The following TNS3 variants were observed in gnomAD, a reference collection of about 807,000 sequenced individuals.
TNS3 encodes the protein tensin 3.
Under a neutral mutation model 140.9 loss-of-function variants are expected in TNS3, and 45 were observed. The observed-to-expected ratio is 0.32, with a 90% CI of 0.25 to 0.41. The LOEUF (loss-of-function observed/expected upper bound fraction) is 0.41. Among genes scored for constraint, TNS3 ranks in the 10% least tolerant of loss-of-function variants. The pLI is 1.00. For missense variants in TNS3, 1,716 were observed against 1,906.7 expected, an observed-to-expected ratio of 0.90 and a Z score of 1.86; for synonymous variants, 815 against 788.4, an observed-to-expected ratio of 1.03 and a Z score of -0.56.
chr7:47,404,556 A>G (rs1014363220), intron 13 of TNS3, among the ~76,000 whole-genome samples: 3 of 152,172 alleles, frequency 2.0e-5, no homozygotes, highest in Non-Finnish European at 2.9e-5. Flanking sequence ...TTCAGAAACC[A>G]TCGCCAAAAT....
At chr7:47,509,059 T>A (rs1404494583) in intron 2 of TNS3, among the ~76,000 whole-genome samples, 2 of 152,192 alleles carry the variant, frequency 1.3e-5, no homozygotes, top group African/African-American at 4.8e-5. Flanking sequence ...TGCTTACTGC[T>A]ATGTTAAGGT....
chr7:47,492,359 C>G (rs1023411301), intron 3 of TNS3, among the ~76,000 whole-genome samples: 3 of 152,226 alleles, frequency 2.0e-5, no homozygotes, highest in Non-Finnish European at 4.4e-5. Flanking sequence ...CCCTGCCTGC[C>G]GCACGGTAGA....
chr7:47,503,940 A>G (rs773399392), intron 3 of TNS3, among the ~76,000 whole-genome samples: 2 of 152,052 alleles, frequency 1.3e-5, no homozygotes. Flanking sequence ...TCATTTATAG[A>G]CACTCCACCC....
chr7:47,300,409 G>A (rs1314447412), intron 23 of TNS3, among the ~76,000 whole-genome samples: 2 of 152,190 alleles, frequency 1.3e-5, no homozygotes, highest in South Asian at 2.1e-4. Flanking sequence ...TCAAGCACAT[G>A]CCAACAGCAG....
chr7:47,441,849 A>C (rs1795480657), intron 5 of TNS3, among the ~76,000 whole-genome samples, 154 bp downstream of exon 5: 1 of 152,228 alleles, frequency 6.6e-6, no homozygotes, highest in South Asian at 2.1e-4. Flanking sequence ...CGGACAGAAA[A>C]CCTGGCCTGT....
At chr7:47,558,764 GCCA>G (rs1223048880) in intron 1 of TNS3, among the ~76,000 whole-genome samples, 1 of 152,074 alleles carries the variant, frequency 6.6e-6, no homozygotes, top group Non-Finnish European at 1.5e-5. Flanking sequence ...CTCCCACACA[GCCA>G]CCCTATGGGA....
intron 16 of TNS3, among the ~76,000 whole-genome samples, chr7:47,389,109 C>CAGAAGCAGAAGCAGA (rs1195199187): frequency 1.7e-5 from 1 of 59,078 alleles, no homozygotes; most frequent in Non-Finnish European, 3.6e-5. Context: ...GAAGCGGAAG[C>CAGAAGCAGAAGCAGA]AGAAGAAGAA....
intron 6 of TNS3, among the ~76,000 whole-genome samples, chr7:47,438,869 C>T (rs911312348): frequency 2.0e-5 from 3 of 152,166 alleles, no homozygotes; most frequent in African/African-American, 7.2e-5. Context: ...AGGGAGCTGT[C>T]ATTCAATCCC....
intron 2 of TNS3, among the ~76,000 whole-genome samples, chr7:47,509,336 A>C (rs1798525541): frequency 6.6e-6 from 1 of 152,202 alleles, no homozygotes. Flanking sequence ...AGTTTTACAA[A>C]TGTTTGGACT....
At chr7:47,452,710 A>G (rs77693386) in intron 4 of TNS3, among the ~76,000 whole-genome samples, 3,967 of 152,300 alleles carry the variant, frequency 0.026, 85 homozygotes, top group Middle Eastern at 0.071. Context: ...TCTTCTCACA[A>G]ATAAGTTTCC....
At chr7:47,285,746 T>C (rs994114977) in intron 27 of TNS3, among the ~76,000 whole-genome samples, 4 of 152,238 alleles carry the variant, frequency 2.6e-5, no homozygotes, top group South Asian at 2.1e-4. Flanking sequence ...TGTAACCACA[T>C]AGGATAGCTA....
At chr7:47,569,759 C>T (rs955670628) in intron 1 of TNS3, among the ~76,000 whole-genome samples, 4 of 152,022 alleles carry the variant, frequency 2.6e-5, no homozygotes, top group Non-Finnish European at 1.5e-5. Flanking sequence ...GAGGCTGAGG[C>T]AGGAGAATCA....
At chr7:47,280,000 C>G (rs980113089) in intron 30 of TNS3, 164 bp downstream of exon 30, 19 of 798,588 alleles carry the variant, frequency 2.4e-5, no homozygotes, top group South Asian at 1.8e-4. Flanking sequence ...CATCCAGATC[C>G]TTGTCCATAA....
intron 3 of TNS3, among the ~76,000 whole-genome samples, chr7:47,498,757 C>A (rs1243361597): frequency 6.6e-6 from 1 of 152,224 alleles, no homozygotes; most frequent in Non-Finnish European, 1.5e-5. Flanking sequence ...CCAACATGGT[C>A]CCGTCAGCCC....
At chr7:47,375,961 AT>A (rs1373063290) in intron 16 of TNS3, among the ~76,000 whole-genome samples, 1 of 151,936 alleles carries the variant, frequency 6.6e-6, no homozygotes, top group African/African-American at 2.4e-5. Flanking sequence ...TAAGAATCTC[AT>A]GTTCTATTTT....
intron 2 of TNS3, among the ~76,000 whole-genome samples, chr7:47,507,747 A>G (rs1415830536): frequency 1.3e-5 from 2 of 152,192 alleles, no homozygotes; most frequent in East Asian, 3.9e-4. Flanking sequence ...GGAGAGAGAA[A>G]TGAAGCAACA....
chr7:47,463,210 C>G (rs1375954119), intron 4 of TNS3, among the ~76,000 whole-genome samples: 1 of 152,080 alleles, frequency 6.6e-6, no homozygotes, highest in Non-Finnish European at 1.5e-5. Context: ...TTTGAGAGGC[C>G]TAGGCAGGTG....
At chr7:47,477,645 C>G (rs189924303) in intron 4 of TNS3, among the ~76,000 whole-genome samples, 1 of 152,336 alleles carries the variant, frequency 6.6e-6, no homozygotes, top group East Asian at 1.9e-4. Flanking sequence ...ATCAGGTGAC[C>G]TGGCCAGGTG....
chr7:47,472,204 T>C (rs191814043), intron 4 of TNS3, among the ~76,000 whole-genome samples: 1 of 152,352 alleles, frequency 6.6e-6, no homozygotes, highest in East Asian at 1.9e-4. Flanking sequence ...TAATCCAGCA[T>C]GACCTCATCT....
Sources: gnomAD v4.1 joint callset for allele counts (sites outside exome capture counted in the v4.1 genomes callset) on GRCh38, gnomAD v4.1.1 for gene constraint, MANE v1.5 for transcripts, NCBI Gene and HGNC (gene_info 2026-07-23, HGNC 2026-07-21) for gene names.